SLC22A24: variants seen among roughly 807,000 people sequenced by gnomAD.
The protein encoded by SLC22A24 is solute carrier family 22 member 24, also known as steroid transmembrane transporter SLC22A24.
A neutral mutation model predicts 49.8 loss-of-function variants in SLC22A24; 53 were observed. The ratio of observed to expected loss-of-function variants is 1.06; its 90% confidence interval spans 0.85 to 1.34. SLC22A24 has a LOEUF of 1.34. Ranked by LOEUF, SLC22A24 falls within the 40% of genes most tolerant of loss-of-function variation. The pLI, the probability that SLC22A24 is intolerant of heterozygous loss-of-function variation, is 0.00. For missense variants in SLC22A24, 786 were observed against 675.9 expected (o/e 1.16, Z -1.81); for synonymous variants, 302 against 256.4 (o/e 1.18, Z -1.70).
At chr11:63,091,333 G>A (rs186984573) in intron 6 of SLC22A24, among the ~76,000 whole-genome samples, 8 of 152,194 alleles carry the variant, frequency 5.3e-5, no homozygotes, top group African/African-American at 1.9e-4. Flanking sequence ...GGTACAAAGA[G>A]GAGCTGGTAC....
intron 6 of SLC22A24, among the ~76,000 whole-genome samples, chr11:63,089,213 AG>A (rs2087004391): frequency 6.6e-6 from 1 of 152,268 alleles, no homozygotes; most frequent in African/African-American, 2.4e-5. Context: ...TCAGACTAAA[AG>A]TGGATCACTC....
chr11:63,115,720 T>G (rs1227435134), intron 4 of SLC22A24, among the ~76,000 whole-genome samples: 1 of 152,008 alleles, frequency 6.6e-6, no homozygotes. Context: ...GGTTTTGTTT[T>G]TTTTATATGG....
intron 9 of SLC22A24, 75 bp from the exon 10 acceptor site, chr11:63,080,075 T>A (rs918995704): frequency 1.4e-5 from 14 of 988,606 alleles, no homozygotes; most frequent in South Asian, 7.1e-5. Flanking sequence ...AGCATATATA[T>A]ACTGTGTGCC....
Position 63,104,297 on chromosome 11 carries a change from T to C in SLC22A24, c.832A>G (p.Lys278Glu). The C allele has an allele frequency of 6.5e-7, 1 of 1,548,160 alleles. No homozygotes were observed. The highest frequency in any genetic ancestry group is 8.7e-7 in the Non-Finnish European group (1 of 1,146,264). Residue 278 changes from lysine (K) to glutamate (E), a missense_variant and splice_region_variant, in exon 5 of 10, where the codon AAG becomes GAG. Transcript: ENST00000612278. ...AGCCACCGAGCAGACTCCACCATCT[T>C]CCTGATGAAAGAAGACAACATAGGT... ...PIIVLFLSSW[K>E]MVESARWLII...
Position 63,104,167 on chromosome 11 carries a change from CA to C in SLC22A24, c.954+7del. 6.5e-7 allele frequency: 1 copy of C among 1,548,572 alleles called. No individual in the cohort carries two copies. Among genetic ancestry groups the C allele is most frequent in the Non-Finnish European group, 8.7e-7 (1 of 1,146,638 alleles). On this transcript the variant is annotated splice_region_variant and intron_variant, in intron 5 of 9. Transcript: ENST00000612278. ...AATCACAGCAATCATTTCCCCTTTC[CA>C]GATCACCTCAGTGGTCAGTGTCTCT...
intron 2 of SLC22A24, among the ~76,000 whole-genome samples, chr11:63,130,283 G>T (rs2087324322): frequency 6.6e-6 from 1 of 152,184 alleles, no homozygotes; most frequent in African/African-American, 2.4e-5. Flanking sequence ...TACGTTTATT[G>T]ATTTGCATAT....
chr11:63,114,393 A>C (rs1033135156), intron 4 of SLC22A24, among the ~76,000 whole-genome samples: 1 of 152,142 alleles, frequency 6.6e-6, no homozygotes, highest in Non-Finnish European at 1.5e-5. Context: ...TGAAGATCTC[A>C]TGCCATGGTT....
At chr11:63,122,957 T>G (rs1480443847) in intron 2 of SLC22A24, among the ~76,000 whole-genome samples, 1 of 152,206 alleles carries the variant, frequency 6.6e-6, no homozygotes, top group African/African-American at 2.4e-5. Flanking sequence ...ATCATTTCTT[T>G]GTGTTGGAAA....
At position 63,104,266 on chromosome 11, in the gene SLC22A24, A is replaced by G; in HGVS notation, c.863T>C (p.Ile288Thr). ...TAAGCCCTCATCTAGCTGATTGTTG[A>G]TAATCAGCCACCGAGCAGACTCCAC... The part of the protein sequence containing the change: ...KMVESARWLI[I>T]NNQLDEGLKE... Residue 288 changes from isoleucine to threonine, a missense_variant, in exon 5 of 10, where the codon ATC becomes ACC. Transcript: ENST00000612278. 2 of 1,550,490 alleles carry G rather than the reference A, an allele frequency of 1.3e-6. No individual in the cohort carries two copies. Among genetic ancestry groups the G allele is most frequent in the Admixed American group, 2.0e-5 (1 of 50,968 alleles).
At chr11:63,139,571 C>A (rs185882074) in intron 1 of SLC22A24, among the ~76,000 whole-genome samples, 3 of 152,262 alleles carry the variant, frequency 2.0e-5, no homozygotes, top group East Asian at 1.9e-4. Flanking sequence ...CATCCCCAAC[C>A]CCCAATGAGA....
chr11:63,113,101 T>TACACACATATATAC lies in SLC22A24; in HGVS notation c.830+5810_830+5811insGTATATATGTGTGT, dbSNP rs1565332132. Reference sequence around the variant, plus strand: ...ATACACATATATATACATATATATATACATATATATACACATATATATATA... The same window carrying TACACACATATATAC: ...ATACACATATATATACATATATATATACACACATATATACACATATATATACACATATATATATA... On this transcript the variant is annotated intron_variant, in intron 4 of 9. Transcript: ENST00000612278. 7.1e-4 allele frequency among the ~76,000 whole-genome samples: 2 copies of TACACACATATATAC among 2,836 alleles called. 1 individual carries two copies. Among genetic ancestry groups the TACACACATATATAC allele is most frequent in the African/African-American group, 8.6e-4 (2 of 2,336 alleles). The allele number at this position is 2,836 out of a possible 152,430, so 1.9% of individuals were successfully genotyped here.
intron 2 of SLC22A24, among the ~76,000 whole-genome samples, chr11:63,122,855 C>A (rs1439568741): frequency 6.6e-6 from 1 of 152,058 alleles, no homozygotes; most frequent in Non-Finnish European, 1.5e-5. Flanking sequence ...AATAGTTGTA[C>A]ATATTCGTGG....
intron 4 of SLC22A24, among the ~76,000 whole-genome samples, chr11:63,112,938 C>G (rs1446094282): frequency 1.4e-5 from 2 of 144,900 alleles, no homozygotes; most frequent in Admixed American, 7.0e-5. Flanking sequence ...TGGCGTGAAC[C>G]CGGGAGCCGG....
chr11:63,132,631 A>G (rs909344980), intron 2 of SLC22A24, among the ~76,000 whole-genome samples: 3 of 152,094 alleles, frequency 2.0e-5, no homozygotes, highest in Non-Finnish European at 4.4e-5. Flanking sequence ...AACAGCAAAT[A>G]TTGCAGAACA....
chr11:63,120,455 A>C (rs2087243705), intron 2 of SLC22A24, among the ~76,000 whole-genome samples: 1 of 152,010 alleles, frequency 6.6e-6, no homozygotes, highest in Admixed American at 6.6e-5. Context: ...AAATATAATA[A>C]AAAATAAATA....
chr11:63,091,550 T>G lies in SLC22A24; in HGVS notation c.1070+4441A>C, dbSNP rs547264956. On this transcript the variant is annotated intron_variant, in intron 6 of 9. Coordinates refer to ENST00000612278, the MANE Select transcript of SLC22A24 (RefSeq NM_001136506.2). The stretch of plus-strand genomic sequence containing the variant: ...TGAATTCAGCAGCACATCAAAAAGC[T>G]TATCCACCACGATCAAGTCAGCTTT... Among the ~76,000 whole-genome samples the G allele has an allele frequency of 3.6e-4, 55 of 152,322 alleles. No individual in the cohort carries two copies. In the East Asian group the frequency reaches 9.4e-3, roughly 26 times the overall value.
intron 4 of SLC22A24, among the ~76,000 whole-genome samples, chr11:63,104,728 G>A (rs59721264): frequency 0.03 from 4,544 of 152,054 alleles, 200 homozygotes; most frequent in African/African-American, 0.1. Context: ...CCATAATAAC[G>A]GTATGGGAGA....
chr11:63,120,487 G>T (rs1016594838), intron 2 of SLC22A24, among the ~76,000 whole-genome samples: 5 of 152,022 alleles, frequency 3.3e-5, no homozygotes, highest in Admixed American at 6.6e-5. Context: ...AAAGAAAACA[G>T]TTCAGCAACT....
chr11:63,089,752 G>C (rs538240755), intron 6 of SLC22A24, among the ~76,000 whole-genome samples: 2 of 152,178 alleles, frequency 1.3e-5, no homozygotes, highest in East Asian at 3.9e-4. Context: ...CTTAGTCTCT[G>C]ATAAAACAGA....
Sources: gnomAD v4.1 joint callset for allele counts (sites outside exome capture counted in the v4.1 genomes callset) on GRCh38, gnomAD v4.1.1 for gene constraint, MANE v1.5 for transcripts, NCBI Gene and HGNC (gene_info 2026-07-23, HGNC 2026-07-21) for gene names.